The following CNTNAP5 variants were observed in gnomAD, a reference collection of about 807,000 sequenced individuals.
The protein encoded by CNTNAP5 is contactin associated protein family member 5.
A neutral mutation model predicts 150.2 loss-of-function variants in CNTNAP5; 72 were observed. The ratio of observed to expected loss-of-function variants is 0.48; its 90% CI spans 0.40 to 0.58. CNTNAP5 has a LOEUF of 0.58. Among genes scored for constraint, CNTNAP5 ranks in the 20% least tolerant of loss-of-function variants. The probability of loss-of-function intolerance (pLI) is 0.00; values close to 1 mark genes in which losing one functional copy is unlikely to be tolerated. For missense variants in CNTNAP5, 1,636 were observed against 1,626.2 expected, an observed-to-expected ratio of 1.01 and a Z score of -0.10; for synonymous variants, 672 against 619.8, an observed-to-expected ratio of 1.08 and a Z score of -1.25.
chr2:124,845,931 G>A (rs922081565), intron 19 of CNTNAP5, among the ~76,000 whole-genome samples: 1 of 151,254 alleles, frequency 6.6e-6, no homozygotes, highest in Non-Finnish European at 1.5e-5. Flanking sequence ...TCTTTTCAAA[G>A]AACCAGCTTT....
intron 3 of CNTNAP5, among the ~76,000 whole-genome samples, chr2:124,415,776 G>A (rs1022661227): frequency 6.6e-6 from 1 of 152,112 alleles, no homozygotes; most frequent in Admixed American, 6.5e-5. Flanking sequence ...ATGGTTATAC[G>A]ACAACGTGAA....
intron 19 of CNTNAP5, among the ~76,000 whole-genome samples, chr2:124,855,497 A>G (rs1327198261): frequency 1.3e-5 from 2 of 151,986 alleles, no homozygotes; most frequent in African/African-American, 4.8e-5. Flanking sequence ...TAGGCACTAG[A>G]GTCATATGGC....
At chr2:124,867,102 G>A (rs572731453) in intron 20 of CNTNAP5, among the ~76,000 whole-genome samples, 3 of 152,168 alleles carry the variant, frequency 2.0e-5, no homozygotes, top group South Asian at 2.1e-4. Context: ...AATCACTCTA[G>A]CATTCTCCTT....
chr2:124,640,767 G>A (rs982701199), intron 12 of CNTNAP5, among the ~76,000 whole-genome samples: 1 of 152,070 alleles, frequency 6.6e-6, no homozygotes, highest in Non-Finnish European at 1.5e-5. Context: ...TCCCGGCTTC[G>A]CTTCAACAGA....
At chr2:124,839,404 A>G (rs1485136124) in intron 19 of CNTNAP5, among the ~76,000 whole-genome samples, 3 of 150,828 alleles carry the variant, frequency 2.0e-5, no homozygotes, top group Non-Finnish European at 3.0e-5. Context: ...TCTGCCACCA[A>G]ATCCTGTCAA....
At chr2:124,707,299 G>T (rs1679711630) in intron 13 of CNTNAP5, among the ~76,000 whole-genome samples, 1 of 152,174 alleles carries the variant, frequency 6.6e-6, no homozygotes, top group African/African-American at 2.4e-5. Context: ...TCTGGCAAGA[G>T]AGAAAAGATG....
intron 13 of CNTNAP5, among the ~76,000 whole-genome samples, chr2:124,713,277 C>CTT (rs773377897): frequency 9.4e-6 from 1 of 106,186 alleles, no homozygotes; most frequent in African/African-American, 3.2e-5. Context: ...TTCTTTCTTT[C>CTT]TTTCTTTCTT....
chr2:124,702,346 C>CTTTTTTTTTTTTTTTTT (rs71412792), intron 13 of CNTNAP5, among the ~76,000 whole-genome samples: 2 of 52,250 alleles, frequency 3.8e-5, no homozygotes, highest in Non-Finnish European at 6.7e-5. Context: ...ACTATGAACA[C>CTTTTTTTTTTTTTTTTT]TTTTTTTTTT....
chr2:124,649,683 A>T (rs887291798), intron 13 of CNTNAP5, among the ~76,000 whole-genome samples: 1 of 152,114 alleles, frequency 6.6e-6, no homozygotes, highest in African/African-American at 2.4e-5. Context: ...TTTACCAGTT[A>T]TGTGACTTTG....
chr2:124,662,187 T>C (rs1458963598), intron 13 of CNTNAP5, among the ~76,000 whole-genome samples: 1 of 152,220 alleles, frequency 6.6e-6, no homozygotes, highest in Non-Finnish European at 1.5e-5. Context: ...CATAGAATTA[T>C]ATGGTATATA....
intron 1 of CNTNAP5, among the ~76,000 whole-genome samples, chr2:124,196,909 C>A (rs1184692672): frequency 4.6e-5 from 7 of 152,208 alleles, no homozygotes. Flanking sequence ...GCCTGCAAGG[C>A]ATGCAGTGAG....
intron 5 of CNTNAP5, among the ~76,000 whole-genome samples, chr2:124,440,256 C>G (rs1363500687): frequency 6.6e-6 from 1 of 152,124 alleles, no homozygotes; most frequent in Non-Finnish European, 1.5e-5. Flanking sequence ...AAAGTTGATT[C>G]TGATGATCTG....
chr2:124,814,760 T>C (rs554347629), intron 19 of CNTNAP5, among the ~76,000 whole-genome samples: 7 of 152,244 alleles, frequency 4.6e-5, no homozygotes, highest in Admixed American at 2.0e-4. Context: ...CTTAAAAAAG[T>C]TGCAGATAAT....
intron 3 of CNTNAP5, among the ~76,000 whole-genome samples, chr2:124,310,895 T>C (rs1688812424): frequency 6.6e-6 from 1 of 152,186 alleles, no homozygotes; most frequent in Non-Finnish European, 1.5e-5. Context: ...CCCCAGGGCC[T>C]TGTGCAAGTG....
intron 1 of CNTNAP5, among the ~76,000 whole-genome samples, chr2:124,076,516 T>C (rs1682441157): frequency 6.6e-6 from 1 of 152,128 alleles, no homozygotes; most frequent in Admixed American, 6.6e-5. Context: ...AAGCTTTCCT[T>C]CTTTCTCAAC....
chr2:124,629,631 C>T (rs975181047), intron 12 of CNTNAP5, among the ~76,000 whole-genome samples: 1 of 151,936 alleles, frequency 6.6e-6, no homozygotes, highest in Non-Finnish European at 1.5e-5. Context: ...AATTGATACC[C>T]TACCATCACA....
intron 6 of CNTNAP5, among the ~76,000 whole-genome samples, chr2:124,451,047 A>T (rs1370911719): frequency 0.039 from 2,796 of 71,906 alleles, 203 homozygotes; most frequent in African/African-American, 0.12. Context: ...AAAAAAAAAA[A>T]AAAAATATAT....
In CNTNAP5 at chr2:124,538,393, G is replaced by A. The variant is rs138738320; in HGVS notation, c.1649+10937G>A. Among the ~76,000 whole-genome samples, 577 of 152,188 alleles carry A rather than the reference G, an allele frequency of 3.8e-3. 5 individuals are homozygous for A. Among genetic ancestry groups the A allele is most frequent in the Non-Finnish European group, 5.6e-3 (383 of 68,008 alleles). ...ATGGGGAGGCTGAGGCATGAGAATCGTTTGAACCCAGGATGTAGAGGATGC... is the reference window on the plus strand; with the variant it reads ...ATGGGGAGGCTGAGGCATGAGAATCATTTGAACCCAGGATGTAGAGGATGC... On this transcript the variant is annotated intron_variant, in intron 10 of 23. Coordinates refer to ENST00000682447, the MANE Select transcript of CNTNAP5 (RefSeq NM_001367498.1).
chr2:124,493,722 T>C (rs1400686778), intron 7 of CNTNAP5, among the ~76,000 whole-genome samples: 1 of 152,128 alleles, frequency 6.6e-6, no homozygotes, highest in East Asian at 1.9e-4. Flanking sequence ...ACTGATTAAA[T>C]TGAGAAGTTG....
Sources: gnomAD v4.1 joint callset for allele counts (sites outside exome capture counted in the v4.1 genomes callset) on GRCh38, gnomAD v4.1.1 for gene constraint, MANE v1.5 for transcripts, NCBI Gene and HGNC (gene_info 2026-07-23, HGNC 2026-07-21) for gene names.